LNPEP: variants seen among roughly 807,000 people sequenced by gnomAD.
LNPEP encodes the protein leucyl and cystinyl aminopeptidase, also known as leucyl-cystinyl aminopeptidase.
Under a neutral mutation model 120.6 loss-of-function variants are expected in LNPEP, and 64 were observed. That is an observed-to-expected ratio of 0.53 (90% CI 0.43 to 0.65). The LOEUF is 0.65. LNPEP is among the 30% of genes least tolerant of loss of function. The probability of loss-of-function intolerance (pLI) is 0.00; values close to 1 mark genes in which losing one functional copy is unlikely to be tolerated. For synonymous variants in LNPEP, 435 were observed against 425.4 expected (o/e 1.02, Z -0.28); for missense variants, 1,057 against 1,200.0 (o/e 0.88, Z 1.76).
chr5:97,006,157 A>G lies in LNPEP; in HGVS notation c.1870A>G (p.Lys624Glu). ...KGFPLVTVQK[K>E]GKELFIQQER... ...ATTTCCTTTAGTGACTGTTCAAAAG[A>G]AAGGAAAGGAACTTTTTATACAACA... The change falls in exon 10 of 18, where the codon AAA (lysine) becomes GAA (glutamate). Residue 624 changes from lysine to glutamate, a missense_variant. By Grantham distance (56) the Lys-to-Glu change is moderately conservative (BLOSUM62 1). Coordinates refer to ENST00000231368, the MANE Select transcript of LNPEP (RefSeq NM_005575.3). 6.2e-7 allele frequency: 1 copy of G among 1,602,044 alleles called. No homozygotes were observed. Among genetic ancestry groups the G allele is most frequent in the South Asian group, 1.1e-5 (1 of 89,600 alleles).
At chr5:96,945,609 A>C (rs1045859299) in intron 1 of LNPEP, among the ~76,000 whole-genome samples, 2 of 152,104 alleles carry the variant, frequency 1.3e-5, no homozygotes, top group African/African-American at 4.8e-5. Context: ...TGCTACAAAG[A>C]GTGTTTCGTC....
chr5:96,965,905 A>G (rs1374291822), intron 1 of LNPEP, among the ~76,000 whole-genome samples: 20 of 152,080 alleles, frequency 1.3e-4, no homozygotes, highest in Admixed American at 1.3e-3. Context: ...GTATTATATT[A>G]TAGTTATTTA....
At position 96,954,772 on chromosome 5, in the gene LNPEP, A is replaced by ATATT. The variant is rs1275200137; in HGVS notation, c.19+18599_19+18600insATTT. On this transcript the variant is annotated intron_variant, in intron 1 of 17. Transcript: ENST00000231368. ...CACATATATATATATATATATATATATTTTTTTTTTTTTTTTTTTTTTTTT... is the reference window on the plus strand; with the variant it reads ...CACATATATATATATATATATATATATATTTTTTTTTTTTTTTTTTTTTTTTTTT... 3.7e-4 allele frequency among the ~76,000 whole-genome samples: 10 copies of ATATT among 27,106 alleles called. 1 individual carries two copies. The highest frequency in any genetic ancestry group is 4.5e-4 in the African/African-American group (3 of 6,604). The allele number at this position is 27,106 out of a possible 152,430, so 17.8% of individuals were successfully genotyped here.
At chr5:96,977,628 A>C (rs888608856) in intron 1 of LNPEP, among the ~76,000 whole-genome samples, 1 of 152,206 alleles carries the variant, frequency 6.6e-6, no homozygotes, top group African/African-American at 2.4e-5. Flanking sequence ...GTCACAGGCC[A>C]CACTGAACAG....
intron 1 of LNPEP, among the ~76,000 whole-genome samples, chr5:96,949,337 T>G (rs967693062): frequency 2.6e-5 from 4 of 152,224 alleles, no homozygotes; most frequent in Non-Finnish European, 5.9e-5. Flanking sequence ...CAGGGTGGTA[T>G]TAGAGTCCCA....
intron 8 of LNPEP, among the ~76,000 whole-genome samples, chr5:97,002,028 A>C (rs192811019): frequency 6.6e-6 from 1 of 152,112 alleles, no homozygotes. Context: ...AATCCCAGCT[A>C]CTCAGGAGGC....
At chr5:96,941,971 T>C (rs540276478) in intron 1 of LNPEP, among the ~76,000 whole-genome samples, 1 of 152,166 alleles carries the variant, frequency 6.6e-6, no homozygotes, top group South Asian at 2.1e-4. Flanking sequence ...CAGGACACTG[T>C]TGTATGAGGT....
At chr5:97,001,677 C>T (rs1207601305) in intron 8 of LNPEP, among the ~76,000 whole-genome samples, 1 of 152,060 alleles carries the variant, frequency 6.6e-6, no homozygotes, top group African/African-American at 2.4e-5. Context: ...ATTCAGTAGA[C>T]GAGACCGAGA....
chr5:96,986,180 T>C (rs1316459794), intron 3 of LNPEP, among the ~76,000 whole-genome samples: 6 of 152,216 alleles, frequency 3.9e-5, no homozygotes, highest in African/African-American at 1.4e-4. Context: ...TCTGTGGATG[T>C]ATTTGTAGCA....
At position 97,024,638 on chromosome 5, in the gene LNPEP, A is replaced by G. The variant is rs781319787; in HGVS notation, c.2679A>G (p.Ile893Met). Reference protein sequence around the residue: ...SIGSEAEKNKILEALASSEDV... With the variant: ...SIGSEAEKNKMLEALASSEDV... The stretch of plus-strand genomic sequence containing the variant: ...GCTCTGAAGCAGAGAAGAACAAAAT[A>G]CTAGAAGCACTTGCCAGCTCAGAGG... The change falls in exon 15 of 18, where the codon ATA (isoleucine) becomes ATG (methionine). Residue 893 changes from isoleucine to methionine, a missense_variant. Physicochemically the swap from Ile to Met is conservative, Grantham distance 10. Transcript: ENST00000231368. 5 of 1,614,092 alleles carry G rather than the reference A, an allele frequency of 3.1e-6. No individual in the cohort carries two copies. The Admixed American group carries it at 5.0e-5, about 16-fold the overall frequency.
At position 97,013,665 on chromosome 5, in the gene LNPEP, G is replaced by T; in HGVS notation, c.2053G>T (p.Glu685Ter). Residue 685 changes from glutamate (E) to a stop codon, truncating the protein, a stop_gained, in exon 12 of 18, where the codon GAA becomes TAA. Transcript: ENST00000231368. LOFTEE classifies it high-confidence loss of function. Reference sequence around the variant, plus strand: ...TCCATTAGGTGTCATCAATCTTACAGAAGAAGTGCTGTGGGTCAAAGTGAA... The same window carrying T: ...TCCATTAGGTGTCATCAATCTTACATAAGAAGTGCTGTGGGTCAAAGTGAA... ...DKKSGVINLT[E>*]EVLWVKVNIN... 1 of 1,546,000 alleles carries T rather than the reference G, an allele frequency of 6.5e-7. No homozygotes were observed. The highest frequency in any genetic ancestry group is 8.7e-7 in the Non-Finnish European group (1 of 1,145,886).
At chr5:96,999,004 T>C (rs898056318) in intron 8 of LNPEP, among the ~76,000 whole-genome samples, 4 of 152,116 alleles carry the variant, frequency 2.6e-5, no homozygotes, top group Non-Finnish European at 5.9e-5. Flanking sequence ...GTGATGTTTT[T>C]TCAGAGAGTC....
At chr5:96,966,508 T>TTTTTTG (rs1284828792) in intron 1 of LNPEP, among the ~76,000 whole-genome samples, 2 of 133,368 alleles carry the variant, frequency 1.5e-5, no homozygotes, top group Admixed American at 7.6e-5. Flanking sequence ...TTACATATAT[T>TTTTTTG]TGTGTGTGTG....
At position 96,985,347 on chromosome 5, in the gene LNPEP, A is replaced by G. The variant is rs1231632567; in HGVS notation, c.999+129A>G. The G allele has an allele frequency of 6.7e-6, 5 of 744,276 alleles. No individual in the cohort carries two copies. In the African/African-American group the frequency reaches 9.1e-5, roughly 14 times the overall value. The allele number at this position is 744,276 out of a possible 1,614,324, so 46.1% of individuals were successfully genotyped here. Reference sequence around the variant, plus strand: ...ATATACATTAATATTCTTCCTTAAAATACTTAAATAAAAATTAAAATATAT... The same window carrying G: ...ATATACATTAATATTCTTCCTTAAAGTACTTAAATAAAAATTAAAATATAT... On this transcript the variant is annotated intron_variant, in intron 3 of 17. Transcript: ENST00000231368.
intron 1 of LNPEP, among the ~76,000 whole-genome samples, chr5:96,975,205 T>G (rs1405880840): frequency 1.3e-5 from 2 of 152,280 alleles, no homozygotes; most frequent in East Asian, 3.9e-4. Context: ...TTAACTCTAT[T>G]AATCAAACAT....
Position 97,035,937 on chromosome 5 carries a change from T to C in LNPEP, c.*7404T>C. ...GAAAAGGGACCTGTGCTTTTGTAAA[T>C]TCTAGAAAGGCAAGAGGACAATATT... On this transcript the variant is annotated 3_prime_UTR_variant, in exon 18 of 18. Coordinates refer to ENST00000231368, the MANE Select transcript of LNPEP (RefSeq NM_005575.3). The C allele has an allele frequency of 6.6e-6, 1 of 152,194 alleles. No homozygotes were observed. The highest frequency in any genetic ancestry group is 1.9e-4 in the East Asian group (1 of 5,200). The allele number at this position is 152,194 out of a possible 1,614,324, so 9.4% of individuals were successfully genotyped here.
chr5:97,015,951 T>C (rs955893743), intron 13 of LNPEP, among the ~76,000 whole-genome samples: 1 of 152,114 alleles, frequency 6.6e-6, no homozygotes, highest in Non-Finnish European at 1.5e-5. Context: ...AATGTGCAGG[T>C]TTGTTACATA....
intron 1 of LNPEP, among the ~76,000 whole-genome samples, chr5:96,962,194 G>A (rs985627394): frequency 5.3e-5 from 8 of 152,260 alleles, no homozygotes; most frequent in East Asian, 1.9e-4. Flanking sequence ...GACATGAAGC[G>A]TTTAGTTGGA....
intron 1 of LNPEP, among the ~76,000 whole-genome samples, chr5:96,950,514 A>C (rs1204388234): frequency 6.6e-6 from 1 of 152,236 alleles, no homozygotes. Context: ...GGAAGAGTAA[A>C]GGTTAAGCTG....
Sources: gnomAD v4.1 joint callset for allele counts (sites outside exome capture counted in the v4.1 genomes callset) on GRCh38, gnomAD v4.1.1 for gene constraint, MANE v1.5 for transcripts, NCBI Gene and HGNC (gene_info 2026-07-23, HGNC 2026-07-21) for gene names.